Variants in UBR4 observed in about 807,000 individuals in gnomAD.
The protein encoded by UBR4 is E3 ubiquitin-protein ligase UBR4.
Under a neutral mutation model 575.6 loss-of-function variants are expected in UBR4, and 124 were observed. The observed-to-expected ratio is 0.22, with a 90% CI of 0.19 to 0.25. UBR4 has a LOEUF of 0.25. UBR4 is among the 10% of genes least tolerant of loss of function. The pLI is 1.00. For missense variants in UBR4, 4,818 were observed against 6,478.8 expected (o/e 0.74, Z 8.80); for synonymous variants, 2,455 against 2,473.7 (o/e 0.99, Z 0.22).
In UBR4 at chr1:19,153,618, G is replaced by A. The variant is rs1233771133; in HGVS notation, c.6631-116C>T. On this transcript the variant is annotated intron_variant, in intron 45 of 105. Coordinates refer to ENST00000375254, the MANE Select transcript of UBR4 (RefSeq NM_020765.3). This position sits in a 1 kb window ranked among gnomAD's most constrained non-coding sequence, Gnocchi z 4.1. ...TGGTCAGTTGAGGGGCTGTACAGAAGGGTGGCAAAGAAAAGGCATCTAGAA... is the reference window on the plus strand; with the variant it reads ...TGGTCAGTTGAGGGGCTGTACAGAAAGGTGGCAAAGAAAAGGCATCTAGAA... 6.8e-7 allele frequency: 1 copy of A among 1,464,040 alleles called. No homozygotes were observed. The highest frequency in any genetic ancestry group is 1.3e-5 in the South Asian group (1 of 78,024). The allele number at this position is 1,464,040 out of a possible 1,614,324, so 90.7% of individuals were successfully genotyped here.
At chr1:19,150,158 A>G (rs1485670741) in intron 49 of UBR4, among the ~76,000 whole-genome samples, 3 of 152,198 alleles carry the variant, frequency 2.0e-5, no homozygotes, top group South Asian at 2.1e-4. Context: ...TCTTGCTGGC[A>G]ATGTTATTAT....
chr1:19,196,627 A>G (rs184941367), intron 8 of UBR4, among the ~76,000 whole-genome samples: 2 of 152,330 alleles, frequency 1.3e-5, no homozygotes, highest in African/African-American at 2.4e-5. Context: ...AGCTTAAAGA[A>G]TATCATTCTT....
chr1:19,155,023 A>G lies in UBR4; in HGVS notation c.6353T>C (p.Val2118Ala), dbSNP rs768842718. The change falls in exon 44 of 106, where the codon GTG becomes GCG. Residue 2118 changes from valine to alanine, a missense_variant. Physicochemically the swap from Val to Ala is moderately conservative, Grantham distance 64. Around this residue, in one of 29 missense-constraint regions of UBR4, gnomAD observed 461 missense variants for 606.9 expected, o/e 0.76. Coordinates refer to ENST00000375254, the MANE Select transcript of UBR4 (RefSeq NM_020765.3). ...ATAGCTGAAGAACAACATCTGCAAC[A>G]CGTGGGAGTAGTACACGGACACACC... The part of the protein sequence containing the change: ...GGGVSVYYSH[V>A]LQMLFFSYCQ... The G allele has an allele frequency of 6.2e-7, 1 of 1,614,164 alleles. No individual in the cohort carries two copies. Among genetic ancestry groups the G allele is most frequent in the Non-Finnish European group, 8.5e-7 (1 of 1,180,008 alleles).
Position 19,187,458 on chromosome 1 carries a change from C to T in UBR4, c.1477G>A (p.Val493Met), listed in dbSNP as rs2091657236. The T allele has an allele frequency of 6.2e-7, 1 of 1,614,098 alleles. No individual in the cohort carries two copies. Among genetic ancestry groups the T allele is most frequent in the Non-Finnish European group, 8.5e-7 (1 of 1,180,024 alleles). Residue 493 changes from valine to methionine, a missense_variant, in exon 12 of 106, where the codon GTG becomes ATG. Val to Met is a conservative substitution (Grantham distance 21, BLOSUM62 1). Coordinates refer to ENST00000375254, the MANE Select transcript of UBR4 (RefSeq NM_020765.3). ...LLTSLFQDLQ[V>M]EALHKGWETD... The stretch of plus-strand genomic sequence containing the variant: ...CTCCTCACCTTGTGAAGGGCCTCCA[C>T]TTGTAGGTCTTGAAAGAGAGACGTT...
Position 19,112,573 on chromosome 1 carries a change from C to T in UBR4, c.11752G>A (p.Ala3918Thr). The T allele has an allele frequency of 6.2e-7, 1 of 1,614,104 alleles. No individual in the cohort carries two copies. Among genetic ancestry groups the T allele is most frequent in the Non-Finnish European group, 8.5e-7 (1 of 1,179,954 alleles). Residue 3918 changes from alanine (A) to threonine (T), a missense_variant, in exon 78 of 106, where the codon GCT becomes ACT. Physicochemically the swap from Ala to Thr is moderately conservative, Grantham distance 58 (BLOSUM62 0). This residue lies in a region of UBR4 where 333 missense variants were observed against 459.2 expected (regional missense o/e 0.73). Transcript: ENST00000375254. ...CGGACCTCCTCCCGCATGGCCGCAG[C>T]CCCTCGGCGAAGATTATAATCAAAG... is the stretch of plus-strand genomic sequence containing the variant. ...ELFDYNLRRG[A>T]AAMREEVRQL...
intron 28 of UBR4, 140 bp downstream of exon 28, chr1:19,167,887 T>C (rs771617135): frequency 1.1e-5 from 10 of 917,624 alleles, no homozygotes; most frequent in Non-Finnish European, 1.4e-5. Context: ...TAAGTGCTTA[T>C]ACTTTAAAGC....
At chr1:19,131,879 A>T (rs115360533) in intron 60 of UBR4, among the ~76,000 whole-genome samples, 1,764 of 151,908 alleles carry the variant, frequency 0.012, 16 homozygotes, top group South Asian at 0.024. Flanking sequence ...GTCTGAAAAA[A>T]CAAACAAACA....
At chr1:19,192,643 T>G in intron 9 of UBR4, 103 bp from the exon 10 acceptor site, 1 of 1,195,108 alleles carries the variant, frequency 8.4e-7, no homozygotes, top group Non-Finnish European at 1.2e-6. Flanking sequence ...TTCAATATCC[T>G]CTTTTCAATG....
At chr1:19,179,869 G>C (rs1273040663) in intron 17 of UBR4, among the ~76,000 whole-genome samples, 1 of 152,150 alleles carries the variant, frequency 6.6e-6, no homozygotes. Flanking sequence ...TTCTCACTTG[G>C]CTTCAGAAGA....
In UBR4 at chr1:19,105,860, GA is replaced by G. The variant is rs1402744185; in HGVS notation, c.12394-19del. The G allele has an allele frequency of 1.3e-6, 2 of 1,554,488 alleles. No homozygotes were observed. The highest frequency in any genetic ancestry group is 4.1e-5 in the Admixed American group (2 of 48,490). ...AAAAGCACCTGCAGGACAGGGGAGAGAAGGGGTCGTAGACTCAGAGGATGCC... is the reference window on the plus strand; with the variant it reads ...AAAAGCACCTGCAGGACAGGGGAGAGAGGGGTCGTAGACTCAGAGGATGCC... On this transcript the variant is annotated intron_variant, in intron 83 of 105. Transcript: ENST00000375254.
At chr1:19,080,562 G>C (rs551074929) in intron 103 of UBR4, 3 of 152,258 alleles carry the variant, frequency 2.0e-5, no homozygotes, top group Admixed American at 2.0e-4. Context: ...TCACAAACCC[G>C]ATCTTCCAGA....
Position 19,100,528 on chromosome 1 carries a change from G to T in UBR4, c.13069C>A (p.Pro4357Thr). 6.2e-7 allele frequency: 1 copy of T among 1,614,048 alleles called. No individual in the cohort carries two copies. Among genetic ancestry groups the T allele is most frequent in the Non-Finnish European group, 8.5e-7 (1 of 1,180,014 alleles). ...CCCTGTAAGAAGTCTTCTTGTTGGGGATCCTTCTCCAGGGTCACAAAGAAC... is the reference window on the plus strand; with the variant it reads ...CCCTGTAAGAAGTCTTCTTGTTGGGTATCCTTCTCCAGGGTCACAAAGAAC... ...TEFFVTLEKD[P>T]QQEDFLQGRM... Residue 4357 changes from proline (P) to threonine (T), a missense_variant, in exon 89 of 106, where the codon CCC (proline) becomes ACC (threonine). This residue lies in a region of UBR4 where 105 missense variants were observed against 232.8 expected (regional missense o/e 0.45). Transcript: ENST00000375254. This position sits in a 1 kb window ranked among gnomAD's most constrained non-coding sequence, Gnocchi z 4.2.
intron 60 of UBR4, among the ~76,000 whole-genome samples, chr1:19,134,154 T>G (rs1315848106): frequency 7.0e-6 from 1 of 143,596 alleles, no homozygotes; most frequent in Non-Finnish European, 1.5e-5. Flanking sequence ...ACCTAGCTAC[T>G]CAGGCAGGAG....
intron 88 of UBR4, among the ~76,000 whole-genome samples, chr1:19,101,186 T>C (rs1343914574): frequency 6.6e-6 from 1 of 152,202 alleles, no homozygotes; most frequent in African/African-American, 2.4e-5. Flanking sequence ...AAAATATCTT[T>C]ATATTCAAGC....
chr1:19,121,802 G>T, intron 67 of UBR4, 132 bp downstream of exon 67: 3 of 1,120,552 alleles, frequency 2.7e-6, no homozygotes, highest in Non-Finnish European at 3.9e-6. Context: ...TTCTTTGCTA[G>T]ACAGAGTTCT....
chr1:19,186,707 C>CG, intron 13 of UBR4, 50 bp from the exon 14 acceptor site: 1 of 1,560,860 alleles, frequency 6.4e-7, no homozygotes, highest in Non-Finnish European at 8.8e-7. Context: ...TAATCTCATG[C>CG]ATCGCATGAA....
chr1:19,169,697 G>A (rs1409037553), intron 26 of UBR4, among the ~76,000 whole-genome samples, 165 bp from the exon 27 acceptor site: 1 of 152,200 alleles, frequency 6.6e-6, no homozygotes, highest in East Asian at 1.9e-4. Context: ...CTATGTCCAA[G>A]AACCAGTTAA....
At chr1:19,111,379 C>G (rs2079854315) in intron 78 of UBR4, among the ~76,000 whole-genome samples, 1 of 152,336 alleles carries the variant, frequency 6.6e-6, no homozygotes, top group East Asian at 1.9e-4. Context: ...ACCCTCTGAC[C>G]TAAGCCTCCT....
intron 52 of UBR4, 35 bp from the exon 53 acceptor site, chr1:19,145,968 A>C (rs757630492): frequency 2.3e-5 from 37 of 1,612,518 alleles, no homozygotes; most frequent in African/African-American, 8.0e-5. Flanking sequence ...AACGATGGTA[A>C]ATCTGAGATG....
Sources: allele counts gnomAD v4.1 joint callset (sites outside exome capture counted in the v4.1 genomes callset), GRCh38; gene constraint gnomAD v4.1.1; regional missense constraint gnomAD v4.1.1; non-coding constraint Gnocchi (gnomAD v3.1); transcripts MANE v1.5; gene names NCBI Gene and HGNC (gene_info 2026-07-23, HGNC 2026-07-21).